The following TMEM39B variants were observed in gnomAD, a reference collection of about 807,000 sequenced individuals.
TMEM39B encodes the protein transmembrane protein 39B.
Under a neutral mutation model 52.2 loss-of-function variants are expected in TMEM39B, and 23 were observed. The ratio of observed to expected loss-of-function variants is 0.44; its 90% CI spans 0.32 to 0.62. The LOEUF is 0.62. Ranked by LOEUF, TMEM39B falls within the 20% of genes least tolerant of loss-of-function variation. The pLI is 0.06. For synonymous variants in TMEM39B, 285 were observed against 264.0 expected, an observed-to-expected ratio of 1.08 and a Z score of -0.77; for missense variants, 547 against 642.0, an observed-to-expected ratio of 0.85 and a Z score of 1.60.
chr1:32,100,286 TAC>T (rs1056855235), intron 7 of TMEM39B, among the ~76,000 whole-genome samples, 154 bp from the exon 8 acceptor site: 1 of 152,218 alleles, frequency 6.6e-6, no homozygotes, highest in African/African-American at 2.4e-5. Flanking sequence ...TACCCCATTT[TAC>T]AGAGGAGGCA....
intron 3 of TMEM39B, chr1:32,076,553 C>T: frequency 4.3e-6 from 3 of 690,148 alleles, no homozygotes; most frequent in South Asian, 1.5e-5. Context: ...ATACCACTCT[C>T]TTATCCCCAG....
At position 32,073,503 on chromosome 1, in the gene TMEM39B, T is replaced by A. The variant is rs912860420; in HGVS notation, c.4+452T>A. 8.0e-6 allele frequency: 8 copies of A among 994,950 alleles called. No individual in the cohort carries two copies. The African/African-American group carries it at 1.4e-4, about 17-fold the overall frequency. The allele number at this position is 994,950 out of a possible 1,614,324, so 61.6% of individuals were successfully genotyped here. On this transcript the variant is annotated intron_variant, in intron 1 of 8. Transcript: ENST00000336294. ...GCTTCTGGGCTGAGAGGGCTTTTAT[T>A]GGCTTGTGGGCGGGGTTTCTGGGCT...
intron 5 of TMEM39B, among the ~76,000 whole-genome samples, chr1:32,083,242 C>A (rs1640190004): frequency 6.6e-6 from 1 of 151,070 alleles, no homozygotes; most frequent in African/African-American, 2.4e-5. Flanking sequence ...CGCCACCATG[C>A]CCAGCTAATT....
chr1:32,089,122 G>C (rs1056103234), intron 5 of TMEM39B, among the ~76,000 whole-genome samples: 1 of 150,320 alleles, frequency 6.7e-6, no homozygotes, highest in African/African-American at 2.5e-5. Context: ...GTAAGTGGCA[G>C]AGCTGGGAAT....
intron 5 of TMEM39B, chr1:32,087,070 T>G (rs2124464423): frequency 6.6e-6 from 1 of 152,138 alleles, no homozygotes; most frequent in African/African-American, 2.4e-5. Context: ...GCCACTGCCC[T>G]CCAGCAGCCT....
chr1:32,074,800 A>C (rs1254504054), intron 1 of TMEM39B, 151 bp from the exon 2 acceptor site: 3 of 967,250 alleles, frequency 3.1e-6, no homozygotes, highest in Non-Finnish European at 4.4e-6. Flanking sequence ...TAGGGGATGA[A>C]GCTGAAGATG....
chr1:32,089,009 T>C (rs1271912929), intron 5 of TMEM39B, among the ~76,000 whole-genome samples: 1 of 152,024 alleles, frequency 6.6e-6, no homozygotes, highest in Admixed American at 6.6e-5. Context: ...ACTAGTGTAA[T>C]ACCTTGCTGA....
At position 32,075,070 on chromosome 1, in the gene TMEM39B, C is replaced by A; in HGVS notation, c.124C>A (p.Arg42Ser). 6.5e-7 allele frequency: 1 copy of A among 1,550,224 alleles called. No homozygotes were observed. The highest frequency in any genetic ancestry group is 8.7e-7 in the Non-Finnish European group (1 of 1,146,242). ...SSASVTSVRS[R>S]TRSSSGTGLS... ...TGCATCGGTGACCAGTGTTCGTTCC[C>A]GCACCAGGTAAACCACCTCTCTGTC... The change falls in exon 2 of 9, where the codon CGC (arginine) becomes AGC (serine). Residue 42 changes from arginine to serine, a missense_variant. By Grantham distance (110) the Arg-to-Ser change is moderately radical (BLOSUM62 -1). Coordinates refer to ENST00000336294, the MANE Select transcript of TMEM39B (RefSeq NM_018056.4).
At chr1:32,074,677 A>G (rs1198838951) in intron 1 of TMEM39B, among the ~76,000 whole-genome samples, 1 of 151,910 alleles carries the variant, frequency 6.6e-6, no homozygotes, top group Non-Finnish European at 1.5e-5. Flanking sequence ...CTTTCCAGAT[A>G]GGATATTATA....
intron 5 of TMEM39B, among the ~76,000 whole-genome samples, chr1:32,090,390 C>G (rs536950082): frequency 5.6e-4 from 85 of 152,230 alleles, no homozygotes; most frequent in African/African-American, 1.9e-3. Context: ...GAACCGCCCT[C>G]TGCAAACTAA....
chr1:32,073,039 G>A lies in TMEM39B; in HGVS notation c.-9G>A, dbSNP rs1299885434. ...GCGGCGGCGAAGCGGAGAGCACCGG[G>A]GGGAGGAGATGGGTGAGCAGAGCGG... On this transcript the variant is annotated 5_prime_UTR_variant, in exon 1 of 9. Transcript: ENST00000336294. The A allele has an allele frequency of 4.6e-6, 7 of 1,524,328 alleles. No homozygotes were observed. Among genetic ancestry groups the A allele is most frequent in the Admixed American group, 4.2e-5 (2 of 47,572 alleles). The allele number at this position is 1,524,328 out of a possible 1,614,324, so 94.4% of individuals were successfully genotyped here.
intron 5 of TMEM39B, among the ~76,000 whole-genome samples, chr1:32,091,326 G>A (rs1173703855): frequency 6.6e-6 from 1 of 152,222 alleles, no homozygotes; most frequent in African/African-American, 2.4e-5. Flanking sequence ...TTGCCTGAAA[G>A]CATTCGGTAC....
intron 5 of TMEM39B, chr1:32,087,644 C>T (rs1267834942): frequency 6.7e-6 from 1 of 148,490 alleles, no homozygotes; most frequent in Non-Finnish European, 1.5e-5. Context: ...ATAATAATTT[C>T]ATCTCTCTTT....
At chr1:32,091,653 T>TTCCCC (rs1640607666) in intron 5 of TMEM39B, 22 bp from the exon 6 acceptor site, 19 of 1,565,474 alleles carry the variant, frequency 1.2e-5, no homozygotes, top group Admixed American at 3.5e-5. Context: ...AGGCCTTCCC[T>TTCCCC]CACCACCGTC....
chr1:32,089,235 A>G (rs1640504933), intron 5 of TMEM39B, among the ~76,000 whole-genome samples: 1 of 147,820 alleles, frequency 6.8e-6, no homozygotes, highest in African/African-American at 2.5e-5. Context: ...CCCCGCTAGG[A>G]TCAGGTGATC....
In TMEM39B at chr1:32,101,435, C is replaced by G. The variant is rs146025972; in HGVS notation, c.1236+873C>G. ...ATTTCACTATGAAATCCCCTCCCCC[C>G]CTTTTTTAAAAAAAACAATCAGAGG... On this transcript the variant is annotated intron_variant, in intron 8 of 8. Coordinates refer to ENST00000336294, the MANE Select transcript of TMEM39B (RefSeq NM_018056.4). Among the ~76,000 whole-genome samples, 117 of 151,716 alleles carry G rather than the reference C, an allele frequency of 7.7e-4. No individual in the cohort carries two copies. The Middle Eastern group carries it at 0.01, about 13-fold the overall frequency.
In TMEM39B at chr1:32,091,986, C is replaced by G; in HGVS notation, c.902C>G (p.Ala301Gly). The change falls in exon 6 of 9, where the codon GCC becomes GGC. Residue 301 changes from alanine (A) to glycine (G), a missense_variant. Ala to Gly is a moderately conservative substitution (Grantham distance 60). Coordinates refer to ENST00000336294, the MANE Select transcript of TMEM39B (RefSeq NM_018056.4). ...VSSMLSAYYV[A>G]FVPVWFVKNT... Reference sequence around the variant, plus strand: ...TCCATGCTGAGCGCCTACTATGTGGCCTTTGTGCCTGTCTGGTTCGTGAAG... The same window carrying G: ...TCCATGCTGAGCGCCTACTATGTGGGCTTTGTGCCTGTCTGGTTCGTGAAG... 6.2e-7 allele frequency: 1 copy of G among 1,613,976 alleles called. No homozygotes were observed. Among genetic ancestry groups the G allele is most frequent in the Non-Finnish European group, 8.5e-7 (1 of 1,179,918 alleles).
intron 1 of TMEM39B, chr1:32,073,307 G>A: frequency 2.1e-6 from 1 of 483,716 alleles, no homozygotes; most frequent in South Asian, 5.1e-5. Flanking sequence ...GGACCAGCTC[G>A]TCGGGGCTAG....
chr1:32,082,775 T>C (rs1355370957), intron 5 of TMEM39B, among the ~76,000 whole-genome samples: 2 of 151,030 alleles, frequency 1.3e-5, no homozygotes, highest in African/African-American at 4.9e-5. Flanking sequence ...TTTTGTTTTT[T>C]GTTTTTTGTT....
Sources: allele counts gnomAD v4.1 joint callset (sites outside exome capture counted in the v4.1 genomes callset), GRCh38; gene constraint gnomAD v4.1.1; transcripts MANE v1.5; gene names NCBI Gene and HGNC (gene_info 2026-07-23, HGNC 2026-07-21).